The following EPG5 variants were observed in gnomAD, a reference collection of about 807,000 sequenced individuals.
The protein encoded by EPG5 is ectopic P-granules 5 autophagy tethering factor.
Under a neutral mutation model 302.7 loss-of-function variants are expected in EPG5, and 159 were observed. The observed-to-expected ratio is 0.53, with a 90% confidence interval of 0.46 to 0.60. EPG5 has a LOEUF of 0.60. Among genes scored for constraint, EPG5 ranks in the 20% least tolerant of loss-of-function variants. The pLI is 0.00. For synonymous variants in EPG5, 1,158 were observed against 1,136.8 expected (o/e 1.02, Z -0.37); for missense variants, 2,896 against 3,092.4 (o/e 0.94, Z 1.51).
intron 28 of EPG5, among the ~76,000 whole-genome samples, chr18:45,888,246 C>G (rs774914889): frequency 6.6e-6 from 1 of 151,914 alleles, no homozygotes; most frequent in African/African-American, 2.4e-5. Context: ...GCTGGGATTA[C>G]AGGCACACGC....
At chr18:45,953,591 A>C in intron 2 of EPG5, 2 of 985,344 alleles carry the variant, frequency 2.0e-6, no homozygotes, top group Non-Finnish European at 2.4e-6. Flanking sequence ...AGCCACTATG[A>C]AATGGCTTAT....
At chr18:45,876,677 C>A (rs760468604) in intron 34 of EPG5, among the ~76,000 whole-genome samples, 1 of 151,822 alleles carries the variant, frequency 6.6e-6, no homozygotes, top group Non-Finnish European at 1.5e-5. Flanking sequence ...GAAAAACACC[C>A]TAAGTCAGCT....
Position 45,939,741 on chromosome 18 carries a change from T to C in EPG5, c.1958A>G (p.Tyr653Cys). ...ATACTGTGCCCAATGGTCACTTACATAACCAAGAGTCATCCTGAGCATGAG... is the reference window on the plus strand; with the variant it reads ...ATACTGTGCCCAATGGTCACTTACACAACCAAGAGTCATCCTGAGCATGAG... ...IGYMIRMTLG[Y>C]VSDHWAQYVS... The change falls in exon 10 of 44, where the codon TAT (tyrosine) becomes TGT (cysteine). Residue 653 changes from tyrosine (Y) to cysteine (C), a missense_variant. By Grantham distance (194) the Tyr-to-Cys change is radical (BLOSUM62 -2). Around this residue, in one of 5 missense-constraint regions of EPG5, gnomAD observed 1,390 missense variants for 1,430.0 expected, o/e 0.97. Transcript: ENST00000282041. 6.2e-7 allele frequency: 1 copy of C among 1,613,728 alleles called. No homozygotes were observed. Among genetic ancestry groups the C allele is most frequent in the Non-Finnish European group, 8.5e-7 (1 of 1,179,974 alleles).
chr18:45,881,687 A>G (rs2049101804), intron 31 of EPG5, among the ~76,000 whole-genome samples: 1 of 152,196 alleles, frequency 6.6e-6, no homozygotes, highest in Non-Finnish European at 1.5e-5. Flanking sequence ...TTTCTCCTCT[A>G]AACTCTAAAA....
At chr18:45,816,249 G>A in the EPG5 span, among the ~76,000 whole-genome samples, 1 of 152,030 alleles carries the variant, frequency 6.6e-6, no homozygotes, top group South Asian at 2.1e-4. Context: ...TCATGACCAA[G>A]AACCCAAAAG....
intron 27 of EPG5, among the ~76,000 whole-genome samples, chr18:45,895,954 A>G (rs930595747): frequency 2.0e-5 from 3 of 152,224 alleles, no homozygotes; most frequent in African/African-American, 7.2e-5. Flanking sequence ...ATATTTAAGT[A>G]CAATCTTTGG....
At chr18:45,852,730 A>T in intron 43 of EPG5, 81 bp from the exon 44 acceptor site, 1 of 1,220,104 alleles carries the variant, frequency 8.2e-7, no homozygotes. Context: ...ACCCATTATC[A>T]CTGTGTACTT....
chr18:45,808,103 T>C, the EPG5 span, among the ~76,000 whole-genome samples: 1 of 152,024 alleles, frequency 6.6e-6, no homozygotes, highest in Non-Finnish European at 1.5e-5. Context: ...GTCTCAGCAA[T>C]AGAATCGAAC....
chr18:45,807,783 A>G, the EPG5 span, among the ~76,000 whole-genome samples: 2 of 152,218 alleles, frequency 1.3e-5, no homozygotes, highest in South Asian at 4.1e-4. Flanking sequence ...AATGAGAAGG[A>G]ACCAGAAAAC....
rs117696511 is a variant in EPG5, at chr18:45,927,848, T to C, written c.2553+1021A>G. ...AGGGCCCTAATCTATGAAAGGTGCT[T>C]AGGACCCCAACCTAAGAAAGCTTCT... On this transcript the variant is annotated intron_variant, in intron 13 of 43. Coordinates refer to ENST00000282041, the MANE Select transcript of EPG5 (RefSeq NM_020964.3). Among the ~76,000 whole-genome samples, 222 of 152,024 alleles carry C rather than the reference T, an allele frequency of 1.5e-3. 1 individual carries two copies. The highest frequency in any genetic ancestry group is 2.8e-3 in the Non-Finnish European group (190 of 67,944).
chr18:45,817,542 G>A, the EPG5 span, among the ~76,000 whole-genome samples: 1 of 152,228 alleles, frequency 6.6e-6, no homozygotes, highest in Non-Finnish European at 1.5e-5. Context: ...TAAGATGTCA[G>A]CATCTTCAGG....
At chr18:45,956,421 A>G (rs2051030968) in intron 1 of EPG5, among the ~76,000 whole-genome samples, 1 of 151,972 alleles carries the variant, frequency 6.6e-6, no homozygotes, top group African/African-American at 2.4e-5. Flanking sequence ...ACATCCTACT[A>G]TTGTACCAAC....
At position 45,948,512 on chromosome 18, in the gene EPG5, G is replaced by C; in HGVS notation, c.1562C>G (p.Ser521Cys). Residue 521 changes from serine (S) to cysteine (C), a missense_variant, in exon 6 of 44, where the codon TCT becomes TGT. Coordinates refer to ENST00000282041, the MANE Select transcript of EPG5 (RefSeq NM_020964.3). ...HFMQSLALLM[S>C]PVKNRAEFMC... Reference sequence around the variant, plus strand: ...GCTCTTGCACACTTACTTGACAGGAGACATCAGCAGGGCAAGGGATTGCAT... The same window carrying C: ...GCTCTTGCACACTTACTTGACAGGACACATCAGCAGGGCAAGGGATTGCAT... 1 of 1,612,816 alleles carries C rather than the reference G, an allele frequency of 6.2e-7. No individual in the cohort carries two copies. The highest frequency in any genetic ancestry group is 8.5e-7 in the Non-Finnish European group (1 of 1,178,904).
intron 26 of EPG5, among the ~76,000 whole-genome samples, chr18:45,900,592 TC>T (rs2049592058): frequency 6.6e-6 from 1 of 152,140 alleles, no homozygotes; most frequent in Non-Finnish European, 1.5e-5. Context: ...TTTCCACACT[TC>T]AATCAATATT....
intron 36 of EPG5, among the ~76,000 whole-genome samples, chr18:45,868,932 G>A (rs1219158260): frequency 2.0e-5 from 3 of 151,656 alleles, no homozygotes; most frequent in African/African-American, 7.3e-5. Context: ...GTGGGCACCT[G>A]TAGTCCCAGC....
chr18:45,816,330 C>T, the EPG5 span, among the ~76,000 whole-genome samples: 2 of 152,048 alleles, frequency 1.3e-5, no homozygotes, highest in Non-Finnish European at 2.9e-5. Flanking sequence ...GTATCGTCAG[C>T]AGAGTAAACA....
intron 27 of EPG5, among the ~76,000 whole-genome samples, chr18:45,891,962 C>G (rs139679084): frequency 6.6e-6 from 1 of 152,084 alleles, no homozygotes; most frequent in East Asian, 1.9e-4. Flanking sequence ...CGGGACTATG[C>G]GTGTCACAGA....
chr18:45,837,483 C>G, the EPG5 span: 1,019 of 1,448,324 alleles, frequency 7.0e-4, 1 homozygote, highest in Non-Finnish European at 7.4e-4. Flanking sequence ...CCCAGGGCCC[C>G]GAGCCTGACG....
rs1021593451 is a variant in EPG5, at chr18:45,953,554, A to C, written c.1008+840T>G. ...TTCACTGCCAAACTTGTCAAGAGTA[A>C]CCTCTTCTTCCTTGCCATCTCTCCT... On this transcript the variant is annotated intron_variant, in intron 2 of 43. Transcript: ENST00000282041. 7.1e-6 allele frequency: 7 copies of C among 985,098 alleles called. No homozygotes were observed. The African/African-American group carries it at 1.2e-4, about 17-fold the overall frequency. 61.0% of individuals were successfully genotyped at this position (985,098 alleles called of 1,614,324 possible).
Sources: allele counts gnomAD v4.1 joint callset (sites outside exome capture counted in the v4.1 genomes callset), GRCh38; gene constraint gnomAD v4.1.1; regional missense constraint gnomAD v4.1.1; transcripts MANE v1.5; gene names NCBI Gene and HGNC (gene_info 2026-07-23, HGNC 2026-07-21).